The following ASB3 variants were observed in gnomAD, a reference collection of about 807,000 sequenced individuals.
ASB3 encodes the protein ankyrin repeat and SOCS box protein 3.
A neutral mutation model predicts 54.5 loss-of-function variants in ASB3; 41 were observed. The ratio of observed to expected loss-of-function variants is 0.75; its 90% CI spans 0.59 to 0.98. ASB3 has a LOEUF of 0.98. Among genes scored for constraint, ASB3 ranks in the 50% least tolerant of loss-of-function variants. ASB3 has a pLI of 0.00. For missense variants in ASB3, 733 were observed against 620.0 expected, an observed-to-expected ratio of 1.18 and a Z score of -1.94; for synonymous variants, 266 against 221.2, an observed-to-expected ratio of 1.20 and a Z score of -1.80.
chr2:53,673,035 G>A (rs1361844303), intron 9 of ASB3, among the ~76,000 whole-genome samples: 18 of 152,138 alleles, frequency 1.2e-4, no homozygotes. Context: ...TGTTTGGTAA[G>A]CACACACCTC....
At chr2:53,736,344 G>A (rs1301187592) in intron 3 of ASB3, among the ~76,000 whole-genome samples, 9 of 152,114 alleles carry the variant, frequency 5.9e-5, no homozygotes, top group Admixed American at 4.6e-4. Context: ...GTAAGTATCC[G>A]GCAGGGATGT....
chr2:53,751,553 GGT>G (rs1672511813), intron 2 of ASB3, among the ~76,000 whole-genome samples: 1 of 151,932 alleles, frequency 6.6e-6, no homozygotes, highest in East Asian at 1.9e-4. Flanking sequence ...TCAAGGTTCT[GGT>G]AACACTCAAA....
At chr2:53,777,689 T>A (rs1034777125) in intron 1 of ASB3, among the ~76,000 whole-genome samples, 1 of 152,196 alleles carries the variant, frequency 6.6e-6, no homozygotes, top group African/African-American at 2.4e-5. Context: ...TGAACAATAC[T>A]TAGTCCAGGA....
intron 1 of ASB3, among the ~76,000 whole-genome samples, chr2:53,773,104 T>C (rs962004118): frequency 1.3e-5 from 2 of 152,180 alleles, no homozygotes; most frequent in African/African-American, 4.8e-5. Context: ...GATTAGGAAA[T>C]GCTTTCATAA....
intron 2 of ASB3, among the ~76,000 whole-genome samples, chr2:53,759,082 C>T (rs1439452220): frequency 6.6e-6 from 1 of 152,188 alleles, no homozygotes; most frequent in African/African-American, 2.4e-5. Flanking sequence ...ACCATAACTG[C>T]AGCCAGAGAG....
At chr2:53,780,591 C>A (rs1674589942) in intron 1 of ASB3, among the ~76,000 whole-genome samples, 1 of 152,018 alleles carries the variant, frequency 6.6e-6, no homozygotes, top group Non-Finnish European at 1.5e-5. Flanking sequence ...CCAGCCTGGG[C>A]AATATAGTGA....
At chr2:53,769,421 A>C (rs1022851229) in intron 1 of ASB3, among the ~76,000 whole-genome samples, 8 of 152,250 alleles carry the variant, frequency 5.3e-5, no homozygotes, top group African/African-American at 1.9e-4. Flanking sequence ...ATGTGGCTAT[A>C]ACAACATACT....
chr2:53,709,244 C>G (rs996969682), intron 7 of ASB3, among the ~76,000 whole-genome samples: 2 of 152,210 alleles, frequency 1.3e-5, no homozygotes, highest in African/African-American at 4.8e-5. Flanking sequence ...CCTGCTATGG[C>G]TCAAAGGGGC....
intron 9 of ASB3, among the ~76,000 whole-genome samples, chr2:53,689,239 T>A (rs1359698990): frequency 6.6e-6 from 1 of 152,108 alleles, no homozygotes; most frequent in Non-Finnish European, 1.5e-5. Context: ...TTAACCATTA[T>A]ATTCTGTCTG....
intron 7 of ASB3, among the ~76,000 whole-genome samples, chr2:53,707,819 G>T (rs187256454): frequency 6.6e-6 from 1 of 151,668 alleles, no homozygotes; most frequent in South Asian, 2.1e-4. Flanking sequence ...AAAATTAGCC[G>T]GGTATGGTGT....
intron 9 of ASB3, among the ~76,000 whole-genome samples, chr2:53,683,473 T>G (rs1668484959): frequency 6.6e-6 from 1 of 152,138 alleles, no homozygotes; most frequent in Non-Finnish European, 1.5e-5. Flanking sequence ...GGTTTGGGTA[T>G]CAGGGTAATA....
chr2:53,745,185 T>C (rs972089209), intron 3 of ASB3, among the ~76,000 whole-genome samples: 15 of 152,204 alleles, frequency 9.9e-5, no homozygotes, highest in Non-Finnish European at 2.2e-4. Context: ...CAGTTTTACC[T>C]ACCCTTAGAA....
At chr2:53,705,742 G>A (rs537468540) in intron 7 of ASB3, among the ~76,000 whole-genome samples, 10 of 152,090 alleles carry the variant, frequency 6.6e-5, no homozygotes, top group African/African-American at 2.4e-4. Flanking sequence ...GTTCCCTGAC[G>A]CTCTTGTTTT....
intron 3 of ASB3, among the ~76,000 whole-genome samples, chr2:53,733,927 C>T (rs1671470002): frequency 6.6e-6 from 1 of 152,200 alleles, no homozygotes; most frequent in Non-Finnish European, 1.5e-5. Flanking sequence ...AAAAGTATTC[C>T]TTATGGGAAA....
chr2:53,708,185 G>A (rs1669895774), intron 7 of ASB3, among the ~76,000 whole-genome samples: 1 of 152,074 alleles, frequency 6.6e-6, no homozygotes, highest in African/African-American at 2.4e-5. Context: ...CCCCTCGGTA[G>A]TGTCCTCACA....
intron 1 of ASB3, chr2:53,774,646 A>G (rs954054811): frequency 2.8e-6 from 2 of 718,516 alleles, no homozygotes; most frequent in African/African-American, 3.7e-5. Context: ...TTAACTGGAA[A>G]TGTCCTGAAA....
At chr2:53,766,426 T>A (rs571580752) in intron 1 of ASB3, among the ~76,000 whole-genome samples, 45 of 152,342 alleles carry the variant, frequency 3.0e-4, no homozygotes, top group African/African-American at 9.9e-4. Flanking sequence ...TAACTATTGT[T>A]AATTTTCTCA....
In ASB3 at chr2:53,714,578, G is replaced by T. The variant is rs753732918; in HGVS notation, c.786C>A (p.Ile262=). The change falls in exon 7 of 10, where the codon ATC becomes ATA. Residue 262 remains isoleucine, a synonymous_variant. Coordinates refer to ENST00000263634, the MANE Select transcript of ASB3 (RefSeq NM_016115.5). ...TAGTAAGTGGTATTAACAAGTCCAAGATTCTATAAATACACAAATTCAGGA... is the reference window on the plus strand; with the variant it reads ...TAGTAAGTGGTATTAACAAGTCCAATATTCTATAAATACACAAATTCAGGA... ...HAAAQMGHTK[I]LDLLIPLTNR... is the part of the protein sequence containing the mutation. The T allele has an allele frequency of 1.4e-5, 23 of 1,613,514 alleles. No homozygotes were observed. In the Admixed American group the frequency reaches 3.8e-4, roughly 27 times the overall value.
At chr2:53,774,594 T>A in intron 1 of ASB3, 4 of 1,202,656 alleles carry the variant, frequency 3.3e-6, no homozygotes, top group Non-Finnish European at 4.6e-6. Flanking sequence ...TACTTAAAGA[T>A]CTTATTTTTA....
Sources: allele counts gnomAD v4.1 joint callset (sites outside exome capture counted in the v4.1 genomes callset), GRCh38; gene constraint gnomAD v4.1.1; transcripts MANE v1.5; gene names NCBI Gene and HGNC (gene_info 2026-07-23, HGNC 2026-07-21).